Variants in RALYL observed in about 807,000 individuals in gnomAD.
RALYL encodes the protein RALY RNA binding protein like.
RALYL carries 29 observed loss-of-function variants against 35.1 expected under a neutral mutation model. The ratio of observed to expected loss-of-function variants is 0.83; its 90% CI spans 0.61 to 1.13. The LOEUF (loss-of-function observed/expected upper bound fraction) is 1.13. Among genes scored for constraint, RALYL ranks in the 50% most tolerant of loss-of-function variants. RALYL has a pLI of 0.00. For synonymous variants in RALYL, 120 were observed against 127.6 expected (o/e 0.94, Z 0.40); for missense variants, 359 against 360.4 (o/e 1.00, Z 0.03).
At chr8:84,217,570 A>G (rs1365867128) in intron 1 of RALYL, among the ~76,000 whole-genome samples, 1 of 152,086 alleles carries the variant, frequency 6.6e-6, no homozygotes, top group East Asian at 1.9e-4. Context: ...AAAGGAAAAT[A>G]ATTATGAATT....
intron 2 of RALYL, among the ~76,000 whole-genome samples, chr8:84,533,925 T>A (rs1391098430): frequency 6.6e-6 from 1 of 152,232 alleles, no homozygotes; most frequent in Non-Finnish European, 1.5e-5. Context: ...GTCAAGCATG[T>A]GCTGAGAGCA....
intron 8 of RALYL, among the ~76,000 whole-genome samples, chr8:84,912,621 C>T (rs10110879): frequency 0.3 from 45,758 of 151,872 alleles, 7,420 homozygotes; most frequent in East Asian, 0.61. Context: ...GGCTTCCTAA[C>T]GCTCATTTGC....
At chr8:84,469,660 G>A (rs1032454091) in intron 1 of RALYL, among the ~76,000 whole-genome samples, 8 of 152,200 alleles carry the variant, frequency 5.3e-5, no homozygotes, top group Admixed American at 2.0e-4. Context: ...GCTGTGGTGG[G>A]CTCCACCCAG....
At chr8:84,558,456 G>A (rs183920101) in intron 2 of RALYL, among the ~76,000 whole-genome samples, 59 of 152,148 alleles carry the variant, frequency 3.9e-4, no homozygotes, top group African/African-American at 1.3e-3. Flanking sequence ...TGTTTCACTT[G>A]AAGACTTTTT....
At chr8:84,397,585 C>T (rs1445323808) in intron 1 of RALYL, among the ~76,000 whole-genome samples, 1 of 152,138 alleles carries the variant, frequency 6.6e-6, no homozygotes, top group Non-Finnish European at 1.5e-5. Context: ...ACTCGTGTAA[C>T]CTAGGCCAGA....
intron 3 of RALYL, among the ~76,000 whole-genome samples, chr8:84,793,939 T>C (rs896965436): frequency 6.6e-6 from 1 of 152,190 alleles, no homozygotes; most frequent in Middle Eastern, 3.2e-3. Context: ...AAATGAGTTG[T>C]AGTTCACCAA....
At chr8:84,532,484 A>G (rs1313965840) in intron 2 of RALYL, among the ~76,000 whole-genome samples, 2 of 151,996 alleles carry the variant, frequency 1.3e-5, no homozygotes, top group East Asian at 1.9e-4. Context: ...GCCCTCCAAC[A>G]AACCCCGGCC....
chr8:84,720,794 A>G (rs1843746171), intron 2 of RALYL, among the ~76,000 whole-genome samples: 2 of 141,688 alleles, frequency 1.4e-5, no homozygotes, highest in Admixed American at 1.4e-4. Flanking sequence ...ACTCAATAGC[A>G]AAAAAAAACA....
intron 7 of RALYL, among the ~76,000 whole-genome samples, chr8:84,886,945 G>C (rs1842993230): frequency 6.6e-6 from 1 of 152,166 alleles, no homozygotes; most frequent in Non-Finnish European, 1.5e-5. Flanking sequence ...ACTTTGCACA[G>C]CATCACAAAG....
intron 8 of RALYL, among the ~76,000 whole-genome samples, chr8:84,897,966 A>G (rs1239293507): frequency 6.6e-6 from 1 of 152,234 alleles, no homozygotes. Context: ...AGCAGACTTC[A>G]CAAAGTCTGT....
At chr8:84,797,551 T>G (rs900198348) in intron 3 of RALYL, among the ~76,000 whole-genome samples, 1 of 152,114 alleles carries the variant, frequency 6.6e-6, no homozygotes, top group Non-Finnish European at 1.5e-5. Flanking sequence ...AGCCACATTG[T>G]TTTTTTCTAC....
intron 2 of RALYL, among the ~76,000 whole-genome samples, chr8:84,634,888 G>A (rs1462982501): frequency 6.6e-6 from 1 of 151,670 alleles, no homozygotes; most frequent in Non-Finnish European, 1.5e-5. Flanking sequence ...GTTCCTTTAG[G>A]TTGATTCCAC....
At chr8:84,404,423 A>T (rs141376001) in intron 1 of RALYL, among the ~76,000 whole-genome samples, 4,304 of 152,184 alleles carry the variant, frequency 0.028, 200 homozygotes, top group African/African-American at 0.098. Context: ...GCATCTATTG[A>T]GATAATCATG....
intron 8 of RALYL, among the ~76,000 whole-genome samples, chr8:84,902,699 A>C (rs548418351): frequency 6.6e-6 from 1 of 152,266 alleles, no homozygotes; most frequent in East Asian, 1.9e-4. Context: ...ACATTTATCG[A>C]TTCAGTTATT....
At chr8:84,766,479 T>A (rs1814003404) in intron 2 of RALYL, among the ~76,000 whole-genome samples, 1 of 150,184 alleles carries the variant, frequency 6.7e-6, no homozygotes, top group Non-Finnish European at 1.5e-5. Flanking sequence ...GGATCACGAG[T>A]TCAGGAGATC....
At chr8:84,278,075 G>T (rs1200656866) in intron 1 of RALYL, among the ~76,000 whole-genome samples, 5 of 152,238 alleles carry the variant, frequency 3.3e-5, no homozygotes, top group Admixed American at 3.3e-4. Flanking sequence ...CCTAGCAGAG[G>T]TTCTCCATGA....
chr8:84,595,132 G>A (rs548549092), intron 2 of RALYL, among the ~76,000 whole-genome samples: 1 of 152,202 alleles, frequency 6.6e-6, no homozygotes, highest in Admixed American at 6.5e-5. Flanking sequence ...ATATATGCTG[G>A]TAACTAAAAA....
At chr8:84,207,937 A>T (rs752337774) in intron 1 of RALYL, among the ~76,000 whole-genome samples, 1 of 152,050 alleles carries the variant, frequency 6.6e-6, no homozygotes, top group Non-Finnish European at 1.5e-5. Flanking sequence ...TAGGGAAAAA[A>T]GTTTCATCAA....
Position 84,662,087 on chromosome 8 carries a change from G to T in RALYL, c.257-112492G>T, listed in dbSNP as rs568656376. On this transcript the variant is annotated intron_variant, in intron 2 of 8. Transcript: ENST00000521268. ...TAAAAAAGTTTGAAAGCTATTCAAC[G>T]TGTGACCTCTTTTCTAGCTCCCTTA... 3.3e-5 allele frequency among the ~76,000 whole-genome samples: 5 copies of T among 152,152 alleles called. No homozygotes were observed. In the South Asian group the frequency reaches 1.0e-3, roughly 32 times the overall value.
Sources: allele counts gnomAD v4.1 joint callset (sites outside exome capture counted in the v4.1 genomes callset), GRCh38; gene constraint gnomAD v4.1.1; transcripts MANE v1.5; gene names NCBI Gene and HGNC (gene_info 2026-07-23, HGNC 2026-07-21).